CAMTA1: variants seen among roughly 807,000 people sequenced by gnomAD.
The protein encoded by CAMTA1 is calmodulin-binding transcription activator 1.
In CAMTA1, 27 loss-of-function variants were observed where a neutral mutation model predicts 170.9. The ratio of observed to expected loss-of-function variants is 0.16; its 90% CI spans 0.12 to 0.22. CAMTA1 has a LOEUF of 0.22. Among genes scored for constraint, CAMTA1 ranks in the 10% least tolerant of loss-of-function variants. The probability of loss-of-function intolerance (pLI) is 1.00; values close to 1 mark genes in which losing one functional copy is unlikely to be tolerated. For synonymous variants in CAMTA1, 833 were observed against 891.5 expected, an observed-to-expected ratio of 0.93 and a Z score of 1.17; for missense variants, 1,619 against 2,217.2, an observed-to-expected ratio of 0.73 and a Z score of 5.42.
chr1:7,626,300 G>A (rs1201951942), intron 6 of CAMTA1, among the ~76,000 whole-genome samples: 1 of 152,148 alleles, frequency 6.6e-6, no homozygotes, highest in Non-Finnish European at 1.5e-5. Flanking sequence ...GTCAGTCAAG[G>A]GAGAGCTTTG....
At chr1:7,594,225 G>T (rs904631379) in intron 6 of CAMTA1, among the ~76,000 whole-genome samples, 2 of 150,444 alleles carry the variant, frequency 1.3e-5, no homozygotes, top group Non-Finnish European at 2.9e-5. Flanking sequence ...AAGGAAGGAA[G>T]GAAGGAAGGA....
chr1:7,608,958 GGGGAAAT>G (rs1171721120), intron 6 of CAMTA1, among the ~76,000 whole-genome samples: 1 of 152,100 alleles, frequency 6.6e-6, no homozygotes, highest in Non-Finnish European at 1.5e-5. Context: ...GACATTCTAT[GGGGAAAT>G]TCTAAGCAGA....
At chr1:6,811,160 A>G (rs1645119855) in intron 1 of CAMTA1, among the ~76,000 whole-genome samples, 2 of 152,200 alleles carry the variant, frequency 1.3e-5, no homozygotes, top group Non-Finnish European at 2.9e-5. Context: ...TTACCAGCCA[A>G]TTCCTGGCCA....
intron 11 of CAMTA1, among the ~76,000 whole-genome samples, chr1:7,705,104 C>T (rs1359960149): frequency 1.3e-5 from 2 of 148,632 alleles, no homozygotes; most frequent in Admixed American, 6.6e-5. Flanking sequence ...TGTTTACGCG[C>T]GGCAGGGAGG....
chr1:7,402,117 G>A lies in CAMTA1; in HGVS notation c.439-65713G>A, dbSNP rs183121098. On this transcript the variant is annotated intron_variant, in intron 5 of 22. Transcript: ENST00000303635. ...AGCACTCTGACATGAATAGTTTGACGTAATTGAGACCTGGTAGTTTTGTGG... is the reference window on the plus strand; with the variant it reads ...AGCACTCTGACATGAATAGTTTGACATAATTGAGACCTGGTAGTTTTGTGG... Among the ~76,000 whole-genome samples the A allele has an allele frequency of 5.9e-5, 9 of 152,324 alleles. No homozygotes were observed. In the East Asian group the frequency reaches 1.5e-3, roughly 26 times the overall value.
At position 7,435,232 on chromosome 1, in the gene CAMTA1, A is replaced by G. The variant is rs891593052; in HGVS notation, c.439-32598A>G. ...AACAGCTGCATTTTGGAGGGGGTGC[A>G]TTCAAACCACAGCAGTTTGCCTAGA... On this transcript the variant is annotated intron_variant, in intron 5 of 22. Transcript: ENST00000303635. This position sits in a 1 kb window ranked among gnomAD's most constrained non-coding sequence, Gnocchi z 4.4. Among the ~76,000 whole-genome samples the G allele has an allele frequency of 6.6e-6, 1 of 151,880 alleles. No homozygotes were observed. The highest frequency in any genetic ancestry group is 2.4e-5 in the African/African-American group (1 of 41,440).
At chr1:7,147,781 A>G (rs1646305792) in intron 4 of CAMTA1, among the ~76,000 whole-genome samples, 1 of 148,630 alleles carries the variant, frequency 6.7e-6, no homozygotes, top group African/African-American at 2.5e-5. Context: ...ACACACACAA[A>G]CTCAAACATA....
intron 6 of CAMTA1, among the ~76,000 whole-genome samples, chr1:7,499,779 GTC>G (rs1316459706): frequency 1.2e-5 from 1 of 81,904 alleles, no homozygotes; most frequent in Non-Finnish European, 2.2e-5. Flanking sequence ...GAGTGTGTGT[GTC>G]CATGAGTGTG....
At chr1:7,434,984 T>A (rs557907858) in intron 5 of CAMTA1, among the ~76,000 whole-genome samples, 1 of 151,796 alleles carries the variant, frequency 6.6e-6, no homozygotes, top group Non-Finnish European at 1.5e-5. Context: ...CCCAGGAGGT[T>A]GAGGCTGCAG....
At chr1:6,802,114 T>C (rs1043998172) in intron 1 of CAMTA1, among the ~76,000 whole-genome samples, 1 of 152,172 alleles carries the variant, frequency 6.6e-6, no homozygotes, top group Non-Finnish European at 1.5e-5. Context: ...AATCGTAGCC[T>C]CTCGGGACAG....
At chr1:7,556,642 C>T (rs1469990144) in intron 6 of CAMTA1, among the ~76,000 whole-genome samples, 4 of 152,178 alleles carry the variant, frequency 2.6e-5, no homozygotes, top group African/African-American at 4.8e-5. Context: ...CCCCACCCCA[C>T]GCTCCAGACA....
chr1:7,056,485 T>TA (rs1295542306), intron 3 of CAMTA1, among the ~76,000 whole-genome samples: 3 of 152,044 alleles, frequency 2.0e-5, no homozygotes, highest in East Asian at 1.9e-4. Context: ...TTTTAAAAAA[T>TA]AAAAAATGTA....
At chr1:7,001,943 C>T (rs1314465009) in intron 3 of CAMTA1, among the ~76,000 whole-genome samples, 4 of 146,106 alleles carry the variant, frequency 2.7e-5, no homozygotes, top group African/African-American at 1.0e-4. Flanking sequence ...GTCGCCCAGG[C>T]TGGAGTGCAA....
chr1:7,046,630 G>A (rs1705430521), intron 3 of CAMTA1, among the ~76,000 whole-genome samples: 2 of 152,202 alleles, frequency 1.3e-5, no homozygotes, highest in South Asian at 4.1e-4. Flanking sequence ...AAGATCTCAT[G>A]GTTCAGTGGG....
At chr1:7,548,228 G>A (rs767346662) in intron 6 of CAMTA1, among the ~76,000 whole-genome samples, 13 of 152,178 alleles carry the variant, frequency 8.5e-5, no homozygotes, top group African/African-American at 2.7e-4. Context: ...TGTGGTTTTC[G>A]ACCCTCTGTG....
intron 5 of CAMTA1, among the ~76,000 whole-genome samples, chr1:7,447,447 G>A (rs1277416245): frequency 6.6e-6 from 1 of 150,774 alleles, no homozygotes; most frequent in Non-Finnish European, 1.5e-5. Context: ...GAGGGGGTGG[G>A]GGAGCTGCTG....
In CAMTA1 at chr1:7,751,288, C is replaced by T. The variant is rs2096895529; in HGVS notation, c.4779C>T (p.Ser1593=). Residue 1593 remains serine, a synonymous_variant, in exon 20 of 23, where the codon AGC becomes AGT. Transcript: ENST00000303635. Reference sequence around the variant, plus strand: ...ATGAACAAAAAAAATTCCAGCAGAGCCGACGGGCTGCTGTGCTCATCCAAA... The same window carrying T: ...ATGAACAAAAAAAATTCCAGCAGAGTCGACGGGCTGCTGTGCTCATCCAAA... ...SYYEQKKFQQ[S]RRAAVLIQKY... The T allele has an allele frequency of 2.5e-6, 4 of 1,612,770 alleles. No homozygotes were observed. The African/African-American group carries it at 5.3e-5, about 22-fold the overall frequency.
chr1:7,664,365 C>T lies in CAMTA1; in HGVS notation c.1818C>T (p.Pro606=). The T allele has an allele frequency of 6.2e-7, 1 of 1,613,764 alleles. No homozygotes were observed. The highest frequency in any genetic ancestry group is 8.5e-7 in the Non-Finnish European group (1 of 1,180,028). Residue 606 remains proline (P), a synonymous_variant, in exon 9 of 23, where the codon CCC becomes CCT. Transcript: ENST00000303635. The stretch of plus-strand genomic sequence containing the variant: ...GCTTCAGCCAGACGGGCCACAGCCC[C>T]CACATCCACCAGACCCCCTCCCCGA... ...TSSFSQTGHS[P]HIHQTPSPSF...
chr1:7,192,626 A>G (rs537484824), intron 4 of CAMTA1, among the ~76,000 whole-genome samples: 23 of 152,314 alleles, frequency 1.5e-4, no homozygotes, highest in African/African-American at 5.1e-4. Flanking sequence ...AGCAGTGATG[A>G]TGGGGGTCAG....
Sources: allele counts gnomAD v4.1 joint callset (sites outside exome capture counted in the v4.1 genomes callset), GRCh38; gene constraint gnomAD v4.1.1; non-coding constraint Gnocchi (gnomAD v3.1); transcripts MANE v1.5; gene names NCBI Gene and HGNC (gene_info 2026-07-23, HGNC 2026-07-21).